Variants in TNFSF13B observed in about 807,000 individuals in gnomAD.
TNFSF13B encodes the protein tumor necrosis factor ligand superfamily member 13B.
TNFSF13B carries 8 observed loss-of-function variants against 29.1 expected under a neutral mutation model. The ratio of observed to expected loss-of-function variants is 0.27; its 90% CI spans 0.16 to 0.50. The LOEUF is 0.50. Among genes scored for constraint, TNFSF13B ranks in the 20% least tolerant of loss-of-function variants. The probability of loss-of-function intolerance (pLI) is 0.98; values close to 1 mark genes in which losing one functional copy is unlikely to be tolerated. For synonymous variants in TNFSF13B, 125 were observed against 130.8 expected, an observed-to-expected ratio of 0.96 and a Z score of 0.30; for missense variants, 248 against 334.9, an observed-to-expected ratio of 0.74 and a Z score of 2.03.
rs181879292 is a variant in TNFSF13B at position 108,298,797 on chromosome 13, C to A, written c.482-4456C>A. 3.5e-5 allele frequency among the ~76,000 whole-genome samples: 5 copies of A among 144,926 alleles called. 1 individual carries two copies. The highest frequency in any genetic ancestry group is 2.1e-4 in the South Asian group (1 of 4,672). On this transcript the variant is annotated intron_variant, in intron 3 of 5. Transcript: ENST00000375887. ...GACCAGCCTGGCCAATATGGTGAAA[C>A]CCCTCTCTACTAAAAATACAAAACT...
At chr13:108,278,171 T>A (rs957886710) in intron 2 of TNFSF13B, among the ~76,000 whole-genome samples, 7 of 152,210 alleles carry the variant, frequency 4.6e-5, no homozygotes, top group Admixed American at 1.3e-4. Flanking sequence ...ACATGCTTAA[T>A]TTTCAAGTGT....
At chr13:108,271,340 A>G (rs1227966597) in intron 2 of TNFSF13B, among the ~76,000 whole-genome samples, 1 of 151,962 alleles carries the variant, frequency 6.6e-6, no homozygotes, top group Non-Finnish European at 1.5e-5. Flanking sequence ...CTTCACAGTG[A>G]CGCTATGAAG....
intron 3 of TNFSF13B, chr13:108,302,674 C>T (rs77241673): frequency 0.01 from 2,804 of 271,282 alleles, 8 homozygotes; most frequent in Non-Finnish European, 0.013. Flanking sequence ...CTGAACTGAA[C>T]AGAAGCCATT....
At chr13:108,273,463 A>C (rs1434051706) in intron 2 of TNFSF13B, among the ~76,000 whole-genome samples, 1 of 152,228 alleles carries the variant, frequency 6.6e-6, no homozygotes, top group Admixed American at 6.5e-5. Context: ...CAGACTGTAC[A>C]TAGCGCCCTT....
At chr13:108,291,697 A>C (rs1332259919) in intron 3 of TNFSF13B, among the ~76,000 whole-genome samples, 1 of 152,040 alleles carries the variant, frequency 6.6e-6, no homozygotes, top group Non-Finnish European at 1.5e-5. Context: ...TCATGTATGC[A>C]AAACAGAGTT....
intron 2 of TNFSF13B, among the ~76,000 whole-genome samples, chr13:108,277,359 A>G (rs1376324368): frequency 6.6e-6 from 1 of 152,210 alleles, no homozygotes; most frequent in Non-Finnish European, 1.5e-5. Context: ...GATGACTTCA[A>G]TCTATTTTCG....
chr13:108,306,698 T>C, intron 5 of TNFSF13B, 128 bp from the exon 6 acceptor site: 1 of 569,584 alleles, frequency 1.8e-6, no homozygotes, highest in South Asian at 2.3e-5. Context: ...AGAAGTCCGT[T>C]GGTGTATTTT....
At chr13:108,284,104 C>T (rs546636280) in intron 2 of TNFSF13B, among the ~76,000 whole-genome samples, 17 of 152,120 alleles carry the variant, frequency 1.1e-4, no homozygotes, top group African/African-American at 3.6e-4. Context: ...GCGAGGTGGG[C>T]GGTTCACGAG....
At chr13:108,291,052 G>C (rs920991315) in intron 3 of TNFSF13B, among the ~76,000 whole-genome samples, 1 of 151,470 alleles carries the variant, frequency 6.6e-6, no homozygotes, top group Admixed American at 6.6e-5. Context: ...TCCATGTTTA[G>C]TCTATGTTTT....
chr13:108,303,820 A>G (rs1433293303), intron 5 of TNFSF13B, among the ~76,000 whole-genome samples: 1 of 152,214 alleles, frequency 6.6e-6, no homozygotes, highest in Non-Finnish European at 1.5e-5. Context: ...TACCATTTTT[A>G]TATACATTTA....
chr13:108,272,404 T>C lies in TNFSF13B; in HGVS notation c.424+1980T>C, dbSNP rs80084947. Among the ~76,000 whole-genome samples, 9 of 152,208 alleles carry C rather than the reference T, an allele frequency of 5.9e-5. No homozygotes were observed. In the East Asian group the frequency reaches 1.7e-3, roughly 29 times the overall value. On this transcript the variant is annotated intron_variant, in intron 2 of 5. Transcript: ENST00000375887. ...ATAATCTTTAAAAAATTTTCCCTAATATTAAAGCTAAAAATACATTTGTTC... is the reference window on the plus strand; with the variant it reads ...ATAATCTTTAAAAAATTTTCCCTAACATTAAAGCTAAAAATACATTTGTTC...
At chr13:108,275,248 T>A (rs567539175) in intron 2 of TNFSF13B, among the ~76,000 whole-genome samples, 9 of 152,216 alleles carry the variant, frequency 5.9e-5, no homozygotes, top group African/African-American at 2.2e-4. Flanking sequence ...ACAAATGGAA[T>A]CATGAAGATC....
At chr13:108,274,375 A>G (rs947238660) in intron 2 of TNFSF13B, among the ~76,000 whole-genome samples, 9 of 146,880 alleles carry the variant, frequency 6.1e-5, no homozygotes, top group Non-Finnish European at 1.4e-4. Context: ...AAATATATAT[A>G]TATATACATA....
intron 2 of TNFSF13B, among the ~76,000 whole-genome samples, chr13:108,271,677 T>C (rs1880620483): frequency 6.6e-6 from 1 of 152,170 alleles, no homozygotes; most frequent in South Asian, 2.1e-4. Context: ...TTTTAACACA[T>C]CAATTATTTT....
chr13:108,298,470 A>T (rs1881516135), intron 3 of TNFSF13B, among the ~76,000 whole-genome samples: 1 of 145,568 alleles, frequency 6.9e-6, no homozygotes, highest in African/African-American at 2.6e-5. Flanking sequence ...TTACATATCT[A>T]AAAAGTTCAG....
chr13:108,274,657 G>GT (rs1248486184), intron 2 of TNFSF13B, among the ~76,000 whole-genome samples: 3 of 152,074 alleles, frequency 2.0e-5, no homozygotes, highest in Non-Finnish European at 4.4e-5. Context: ...ACACAAGGAC[G>GT]TTTTTTAGTA....
At position 108,307,433 on chromosome 13, in the gene TNFSF13B, T is replaced by A. The variant is rs1389341096; in HGVS notation, c.*495T>A. Reference sequence around the variant, plus strand: ...AGTTAACATTATAAAAAGTAAAAAATGAAAATTTTAGAAATCTTGCATTAG... The same window carrying A: ...AGTTAACATTATAAAAAGTAAAAAAAGAAAATTTTAGAAATCTTGCATTAG... On this transcript the variant is annotated 3_prime_UTR_variant, in exon 6 of 6. Coordinates refer to ENST00000375887, the MANE Select transcript of TNFSF13B (RefSeq NM_006573.5). 2.0e-5 allele frequency: 3 copies of A among 151,950 alleles called. No homozygotes were observed. The highest frequency in any genetic ancestry group is 4.4e-5 in the Non-Finnish European group (3 of 67,950). 9.4% of individuals were successfully genotyped at this position (151,950 alleles called of 1,614,324 possible). A position where few individuals can be genotyped will look rare whatever the true frequency, so the allele number is the denominator to read the frequency against.
rs187385763 is a variant in TNFSF13B, at chr13:108,269,761, A to G, written c.-135A>G. ...AGGCAGAAAGGAGAAAATTCAGGAT[A>G]ACTCTCCTGAGGGGTGAGCCAAGCC... On this transcript the variant is annotated 5_prime_UTR_variant, in exon 1 of 6. In the 5' UTR this introduces an upstream ATG that the reference lacks. Coordinates refer to ENST00000375887, the MANE Select transcript of TNFSF13B (RefSeq NM_006573.5). 7 of 794,540 alleles carry G rather than the reference A, an allele frequency of 8.8e-6. No individual in the cohort carries two copies. Among genetic ancestry groups the G allele is most frequent in the Non-Finnish European group, 1.4e-5 (7 of 496,712 alleles). 49.2% of individuals were successfully genotyped at this position (794,540 alleles called of 1,614,324 possible).
chr13:108,281,445 C>G (rs527659877), intron 2 of TNFSF13B, among the ~76,000 whole-genome samples: 8 of 152,272 alleles, frequency 5.3e-5, no homozygotes, highest in African/African-American at 1.9e-4. Flanking sequence ...TTGGTCACGA[C>G]TTCAATTTTT....
Sources: gnomAD v4.1 joint callset for allele counts (sites outside exome capture counted in the v4.1 genomes callset) on GRCh38, gnomAD v4.1.1 for gene constraint, MANE v1.5 for transcripts, NCBI Gene and HGNC (gene_info 2026-07-23, HGNC 2026-07-21) for gene names.